MAPK6: variants seen among roughly 807,000 people sequenced by gnomAD.
MAPK6 encodes mitogen-activated protein kinase 6.
MAPK6 carries 19 observed loss-of-function variants against 59.3 expected under a neutral mutation model. The observed-to-expected ratio is 0.32, with a 90% CI of 0.22 to 0.47. The LOEUF (loss-of-function observed/expected upper bound fraction) is 0.47, where lower values mean the gene tolerates loss of function less well. MAPK6 is among the 20% of genes least tolerant of loss of function. The pLI is 1.00. For synonymous variants in MAPK6, 316 were observed against 290.3 expected (o/e 1.09, Z -0.90); for missense variants, 724 against 847.9 (o/e 0.85, Z 1.81).
intron 5 of MAPK6, among the ~76,000 whole-genome samples, chr15:52,063,091 C>T (rs566034453): frequency 1.6e-4 from 25 of 152,146 alleles, no homozygotes; most frequent in African/African-American, 5.5e-4. Flanking sequence ...TTTTTTGAGA[C>T]GGAGTCTCAC....
intron 1 of MAPK6, among the ~76,000 whole-genome samples, chr15:51,973,096 A>G (rs990956402): frequency 6.6e-5 from 10 of 151,798 alleles, no homozygotes; most frequent in Admixed American, 4.6e-4. Context: ...ACAAGCAACA[A>G]TGAATATTTA....
intron 1 of MAPK6, among the ~76,000 whole-genome samples, chr15:52,031,232 CAGA>C (rs903313392): frequency 3.9e-4 from 60 of 152,202 alleles, no homozygotes; most frequent in African/African-American, 1.4e-3. Flanking sequence ...TGCCCCCAGC[CAGA>C]AGAAGGTCTT....
intron 3 of MAPK6, among the ~76,000 whole-genome samples, 189 bp from the exon 4 acceptor site, chr15:52,058,444 A>G (rs1338529199): frequency 6.6e-6 from 1 of 152,212 alleles, no homozygotes; most frequent in African/African-American, 2.4e-5. Flanking sequence ...CAAAAACTAA[A>G]TACATCAGTA....
intron 1 of MAPK6, among the ~76,000 whole-genome samples, chr15:52,032,116 C>T (rs1323347727): frequency 1.2e-4 from 18 of 151,786 alleles, no homozygotes; most frequent in African/African-American, 3.9e-4. Context: ...CCTCATGATC[C>T]GCCTGCCTCG....
chr15:52,020,363 TC>T (rs1448310368), intron 1 of MAPK6, among the ~76,000 whole-genome samples: 2 of 152,190 alleles, frequency 1.3e-5, no homozygotes, highest in South Asian at 4.1e-4. Context: ...TTGGAAAAGG[TC>T]CAGTGAAAGG....
chr15:51,992,745 A>G (rs2057213692), intron 2 of MAPK6, among the ~76,000 whole-genome samples: 1 of 152,160 alleles, frequency 6.6e-6, no homozygotes. Context: ...ACTCAGGGAA[A>G]TGCTTTTTAC....
rs1391883825 is a variant in MAPK6 at position 52,065,661 on chromosome 15, C to T, written c.*661C>T. ...ATAGTGAAGTGTTAATACATCACATCTTATTTATTTTAGCAAATCAGTATA... is the reference window on the plus strand; with the variant it reads ...ATAGTGAAGTGTTAATACATCACATTTTATTTATTTTAGCAAATCAGTATA... On this transcript the variant is annotated 3_prime_UTR_variant, in exon 6 of 6. Transcript: ENST00000261845. 6.6e-6 allele frequency: 1 copy of T among 152,508 alleles called. No homozygotes were observed. The highest frequency in any genetic ancestry group is 1.9e-4 in the East Asian group (1 of 5,196). 9.4% of individuals were successfully genotyped at this position (152,508 alleles called of 1,614,324 possible).
Position 52,046,668 on chromosome 15 carries a change from A to G in MAPK6, c.208A>G (p.Arg70Gly), listed in dbSNP as rs757641589. The part of the protein sequence containing the change: ...KHALREIKII[R>G]RLDHDNIVKV... ...TGCTCTACGTGAAATCAAAATTATT[A>G]GAAGACTTGACCATGATAACATTGT... is the stretch of plus-strand genomic sequence containing the variant. Residue 70 changes from arginine to glycine, a missense_variant, in exon 2 of 6, where the codon AGA becomes GGA. Transcript: ENST00000261845. The G allele has an allele frequency of 5.6e-6, 9 of 1,614,174 alleles. No homozygotes were observed. Among genetic ancestry groups the G allele is most frequent in the South Asian group, 2.2e-5 (2 of 91,078 alleles).
chr15:51,975,638 A>G (rs2057155171), intron 1 of MAPK6, among the ~76,000 whole-genome samples: 1 of 151,930 alleles, frequency 6.6e-6, no homozygotes, highest in East Asian at 1.9e-4. Flanking sequence ...GAGGAAAAAT[A>G]ACAGATTGAT....
rs574226226 is a variant in MAPK6 at position 51,973,941 on chromosome 15, C to G, written c.-880+2035C>G. On this transcript the variant is annotated intron_variant, in intron 1 of 7. Transcript: ENST00000691380. Reference sequence around the variant, plus strand: ...TGATGGAATTACAGGCCTGAGCCACCGTGCCCAGCCTTGTTTTGGTTACAC... The same window carrying G: ...TGATGGAATTACAGGCCTGAGCCACGGTGCCCAGCCTTGTTTTGGTTACAC... Among the ~76,000 whole-genome samples the G allele has an allele frequency of 4.7e-4, 71 of 151,904 alleles. 1 individual carries two copies. The highest frequency in any genetic ancestry group is 9.3e-4 in the Non-Finnish European group (63 of 67,912).
intron 3 of MAPK6, among the ~76,000 whole-genome samples, chr15:52,009,556 C>G (rs2029994653): frequency 6.6e-6 from 1 of 152,152 alleles, no homozygotes; most frequent in South Asian, 2.1e-4. Flanking sequence ...TACAAATTTG[C>G]CTTGCTTCCA....
At chr15:52,021,579 T>C (rs1241447791) in intron 1 of MAPK6, 1 of 152,190 alleles carries the variant, frequency 6.6e-6, no homozygotes, top group African/African-American at 2.4e-5. Context: ...AACCAATTTC[T>C]GGTCAGGTGC....
chr15:51,985,957 C>CAAAAAAA (rs1179326978), intron 2 of MAPK6, among the ~76,000 whole-genome samples: 3 of 137,170 alleles, frequency 2.2e-5, no homozygotes, highest in African/African-American at 8.1e-5. Context: ...GACTCCGTCT[C>CAAAAAAA]AAAAAAAAAA....
At chr15:52,008,620 A>C (rs1366347865) in intron 3 of MAPK6, among the ~76,000 whole-genome samples, 2 of 152,186 alleles carry the variant, frequency 1.3e-5, no homozygotes, top group African/African-American at 4.8e-5. Flanking sequence ...TTCACTACAC[A>C]ACACGAGTTC....
intron 1 of MAPK6, among the ~76,000 whole-genome samples, chr15:51,979,174 A>G (rs2057165728): frequency 1.3e-5 from 2 of 149,406 alleles, no homozygotes; most frequent in South Asian, 4.3e-4. Flanking sequence ...GAAGGAAAGG[A>G]AGGAAGGAAG....
At chr15:52,063,191 A>G (rs1441127165) in intron 5 of MAPK6, among the ~76,000 whole-genome samples, 1 of 151,906 alleles carries the variant, frequency 6.6e-6, no homozygotes, top group East Asian at 1.9e-4. Flanking sequence ...CAGCCTCCCT[A>G]CTAGCTGGGA....
In MAPK6 at chr15:52,054,745, C is replaced by CATAT. The variant is rs1566912110; in HGVS notation, c.701-3887_701-3886insTATA. On this transcript the variant is annotated intron_variant, in intron 3 of 5. Coordinates refer to ENST00000261845, the MANE Select transcript of MAPK6 (RefSeq NM_002748.4). ...ATATATCTATACACACACACACACA[C>CATAT]ACACATATACACATACATAGATACA... is the stretch of plus-strand genomic sequence containing the variant. Among the ~76,000 whole-genome samples, 9 of 141,898 alleles carry CATAT rather than the reference C, an allele frequency of 6.3e-5. No homozygotes were observed. The East Asian group carries it at 1.3e-3, about 20-fold the overall frequency. 93.1% of individuals were successfully genotyped at this position (141,898 alleles called of 152,430 possible). A position where few individuals can be genotyped will look rare whatever the true frequency, so the allele number is the denominator to read the frequency against.
intron 1 of MAPK6, 67 bp downstream of exon 1, chr15:52,019,443 C>CG (rs2030404627): frequency 7.1e-6 from 1 of 139,948 alleles, no homozygotes; most frequent in Non-Finnish European, 1.6e-5. Flanking sequence ...CCGCGGCGGG[C>CG]CCGGCGGCGG....
chr15:52,055,328 GC>G (rs2031934843), intron 3 of MAPK6, among the ~76,000 whole-genome samples: 2 of 152,188 alleles, frequency 1.3e-5, no homozygotes, highest in African/African-American at 4.8e-5. Flanking sequence ...GATTGCTTGA[GC>G]CCGGCAGGTC....
Sources: allele counts gnomAD v4.1 joint callset (sites outside exome capture counted in the v4.1 genomes callset), GRCh38; gene constraint gnomAD v4.1.1; transcripts MANE v1.5; gene names NCBI Gene and HGNC (gene_info 2026-07-23, HGNC 2026-07-21).